The following EPHB1 variants were observed in gnomAD, a reference collection of about 807,000 sequenced individuals.
EPHB1 encodes EPH receptor B1, also known as ephrin type-B receptor 1.
EPHB1 carries 30 observed loss-of-function variants against 94.4 expected under a neutral mutation model. The observed-to-expected ratio is 0.32, with a 90% CI of 0.24 to 0.43. EPHB1 has a LOEUF of 0.43. Among genes scored for constraint, EPHB1 ranks in the 20% least tolerant of loss-of-function variants. EPHB1 has a pLI of 1.00. For missense variants in EPHB1, 1,055 were observed against 1,308.3 expected, an observed-to-expected ratio of 0.81 and a Z score of 2.99; for synonymous variants, 522 against 489.1, an observed-to-expected ratio of 1.07 and a Z score of -0.89.
chr3:134,931,753 G>C (rs114264673), intron 2 of EPHB1, among the ~76,000 whole-genome samples: 2 of 152,136 alleles, frequency 1.3e-5, no homozygotes, highest in Admixed American at 1.3e-4. Flanking sequence ...AAGTATGTGT[G>C]TGCATGTATA....
rs1019808644 is a variant in EPHB1, at chr3:134,835,835, G to A, written c.58+40146G>A. Among the ~76,000 whole-genome samples the A allele has an allele frequency of 9.2e-5, 14 of 152,292 alleles. 2 individuals carry two copies. Among genetic ancestry groups the A allele is most frequent in the African/African-American group, 2.9e-4 (12 of 41,568 alleles). On this transcript the variant is annotated intron_variant, in intron 1 of 15. Transcript: ENST00000398015. The stretch of plus-strand genomic sequence containing the variant: ...CTCCATTCATTCTTGACCCCACATT[G>A]TCATTTCCTTCACCAGTACCCCAGG...
At chr3:134,855,049 C>T (rs1371813620) in intron 1 of EPHB1, among the ~76,000 whole-genome samples, 3 of 152,134 alleles carry the variant, frequency 2.0e-5, no homozygotes, top group African/African-American at 4.8e-5. Flanking sequence ...TATACACATG[C>T]GCACTCACAA....
chr3:135,056,588 G>A (rs1937356882), intron 3 of EPHB1, among the ~76,000 whole-genome samples: 1 of 152,246 alleles, frequency 6.6e-6, no homozygotes, highest in African/African-American at 2.4e-5. Context: ...AGCAAAGGCA[G>A]GCCCACAACC....
intron 3 of EPHB1, among the ~76,000 whole-genome samples, chr3:135,086,110 C>T (rs1346725895): frequency 1.3e-5 from 2 of 152,122 alleles, no homozygotes; most frequent in African/African-American, 2.4e-5. Context: ...TTCTACTCCA[C>T]ACAAAAGAGA....
intron 4 of EPHB1, among the ~76,000 whole-genome samples, chr3:135,126,158 A>G (rs992133501): frequency 6.6e-6 from 1 of 152,126 alleles, no homozygotes; most frequent in Admixed American, 6.5e-5. Context: ...TTTATTCTAT[A>G]TTGAAGAGTG....
At chr3:135,198,923 C>A (rs891409166) in intron 11 of EPHB1, among the ~76,000 whole-genome samples, 1 of 152,222 alleles carries the variant, frequency 6.6e-6, no homozygotes, top group African/African-American at 2.4e-5. Flanking sequence ...GGATCCAAAT[C>A]AGGTCTGCTG....
intron 2 of EPHB1, among the ~76,000 whole-genome samples, chr3:134,932,027 GTT>G (rs1362011641): frequency 6.8e-6 from 1 of 147,632 alleles, no homozygotes; most frequent in Non-Finnish European, 1.5e-5. Context: ...ATGTGTGTGT[GTT>G]TGTGTGTGTG....
intron 1 of EPHB1, among the ~76,000 whole-genome samples, chr3:134,864,674 G>T (rs899230923): frequency 1.3e-5 from 2 of 152,188 alleles, no homozygotes; most frequent in Admixed American, 1.3e-4. Context: ...TTTTCTACTT[G>T]CTTTCCATAA....
At chr3:134,975,254 A>G (rs928032200) in intron 3 of EPHB1, among the ~76,000 whole-genome samples, 8 of 152,252 alleles carry the variant, frequency 5.3e-5, no homozygotes, top group African/African-American at 1.9e-4. Context: ...TGCCATATCT[A>G]ATGAGCTGGG....
chr3:135,165,868 A>G, intron 7 of EPHB1, 100 bp from the exon 8 acceptor site: 1 of 808,636 alleles, frequency 1.2e-6, no homozygotes. Context: ...TATCCTCTAC[A>G]TATATGTATA....
chr3:134,925,059 G>A (rs998632206), intron 1 of EPHB1, among the ~76,000 whole-genome samples: 1 of 152,230 alleles, frequency 6.6e-6, no homozygotes, highest in African/African-American at 2.4e-5. Flanking sequence ...TTAAATATGT[G>A]CAGTTTATCC....
intron 4 of EPHB1, among the ~76,000 whole-genome samples, chr3:135,121,987 A>G (rs1251820359): frequency 6.6e-6 from 1 of 152,148 alleles, no homozygotes; most frequent in African/African-American, 2.4e-5. Flanking sequence ...TAAAGAGGGC[A>G]GTGTTCCCTC....
In EPHB1 at chr3:134,999,770, A is replaced by T. The variant is rs114105258; in HGVS notation, c.805+47718A>T. Among the ~76,000 whole-genome samples the T allele has an allele frequency of 5.1e-3, 779 of 152,338 alleles. 4 individuals are homozygous for T. The highest frequency in any genetic ancestry group is 0.018 in the African/African-American group (735 of 41,568). On this transcript the variant is annotated intron_variant, in intron 3 of 15. Coordinates refer to ENST00000398015, the MANE Select transcript of EPHB1 (RefSeq NM_004441.5). ...ATGGGGCAGTACTACCAGAGAGCCTATAAAGCGTCTTGCCTCAGGTGGCCT... is the reference window on the plus strand; with the variant it reads ...ATGGGGCAGTACTACCAGAGAGCCTTTAAAGCGTCTTGCCTCAGGTGGCCT...
chr3:134,997,290 G>A (rs1399410968), intron 3 of EPHB1, among the ~76,000 whole-genome samples: 1 of 152,132 alleles, frequency 6.6e-6, no homozygotes, highest in African/African-American at 2.4e-5. Context: ...CTTGTGAATA[G>A]CCTGCATTCT....
At chr3:134,982,160 G>A (rs1934425510) in intron 3 of EPHB1, among the ~76,000 whole-genome samples, 1 of 152,128 alleles carries the variant, frequency 6.6e-6, no homozygotes, top group Non-Finnish European at 1.5e-5. Flanking sequence ...TATCTTTAAT[G>A]CTCACGCAAT....
intron 3 of EPHB1, among the ~76,000 whole-genome samples, chr3:134,967,897 G>A (rs1933823805): frequency 6.6e-6 from 1 of 152,172 alleles, no homozygotes; most frequent in Admixed American, 6.5e-5. Flanking sequence ...GTCTCAAAGT[G>A]GACTTTTCAG....
chr3:135,198,946 G>T (rs1179067814), intron 11 of EPHB1, among the ~76,000 whole-genome samples: 1 of 152,134 alleles, frequency 6.6e-6, no homozygotes, highest in Non-Finnish European at 1.5e-5. Context: ...TCCAAAGCCT[G>T]GACCTTTCCT....
At chr3:134,976,402 C>T (rs1386174126) in intron 3 of EPHB1, among the ~76,000 whole-genome samples, 2 of 152,190 alleles carry the variant, frequency 1.3e-5, no homozygotes, top group Non-Finnish European at 2.9e-5. Context: ...GTCAATTCAC[C>T]AGGAAGTTGA....
At chr3:134,817,355 C>T (rs963315633) in intron 1 of EPHB1, among the ~76,000 whole-genome samples, 16 of 152,158 alleles carry the variant, frequency 1.1e-4, no homozygotes, top group African/African-American at 2.9e-4. Context: ...TTTAGAGGGC[C>T]GGGTGCCATG....
Sources: gnomAD v4.1 joint callset for allele counts (sites outside exome capture counted in the v4.1 genomes callset) on GRCh38, gnomAD v4.1.1 for gene constraint, MANE v1.5 for transcripts, NCBI Gene and HGNC (gene_info 2026-07-23, HGNC 2026-07-21) for gene names.